Variants in MUCL1 observed in about 807,000 individuals in gnomAD.
MUCL1 encodes the protein mucin-like protein 1.
In MUCL1, 11 loss-of-function variants were observed where a neutral mutation model predicts 9.2. The observed-to-expected ratio is 1.19, with a 90% confidence interval of 0.75 to 1.97. The LOEUF is 1.97. Ranked by LOEUF, MUCL1 falls within the 30% of genes most tolerant of loss-of-function variation. The pLI, the probability that MUCL1 is intolerant of heterozygous loss-of-function variation, is 0.00. For missense variants in MUCL1, 144 were observed against 110.9 expected, an observed-to-expected ratio of 1.30 and a Z score of -1.34; for synonymous variants, 48 against 40.5, an observed-to-expected ratio of 1.19 and a Z score of -0.71.
At chr12:54,836,254 A>G (rs532994273), upstream of MUCL1, among the ~76,000 whole-genome samples, 4 of 152,208 alleles carry the variant, frequency 2.6e-5, no homozygotes, top group East Asian at 5.8e-4. Flanking sequence ...TTAAATTACT[A>G]ATTCAGTCTA....
chr12:54,847,590 G>A (rs1592247888), intron 1 of MUCL1, among the ~76,000 whole-genome samples: 1 of 152,250 alleles, frequency 6.6e-6, no homozygotes, highest in Non-Finnish European at 1.5e-5. Context: ...ACTCCAGCAT[G>A]GGCATCAAGA....
chr12:54,852,956 A>G (rs987012028), upstream of MUCL1, among the ~76,000 whole-genome samples: 2 of 152,128 alleles, frequency 1.3e-5, no homozygotes, highest in Non-Finnish European at 2.9e-5. Context: ...CTCATGGAAG[A>G]TATGAGTTTA....
chr12:54,858,158 TCGAAGC>T, intron 3 of MUCL1, 29 bp from the exon 4 acceptor site: 1 of 1,612,390 alleles, frequency 6.2e-7, no homozygotes, highest in Non-Finnish European at 8.5e-7. Context: ...TCATCCTTTG[TCGAAGC>T]CCCTTGACAA....
intron 2 of MUCL1, 123 bp from the exon 3 acceptor site, chr12:54,856,647 C>A: frequency 7.5e-7 from 1 of 1,327,084 alleles, no homozygotes; most frequent in Non-Finnish European, 1.0e-6. Flanking sequence ...AAAGGTAAGA[C>A]AGAACTGATG....
intron 2 of MUCL1, 65 bp downstream of exon 2, chr12:54,855,222 C>A: frequency 7.1e-7 from 1 of 1,409,048 alleles, no homozygotes; most frequent in South Asian, 1.2e-5. Context: ...AGCCTCATGT[C>A]AAACAGCCAG....
At chr12:54,853,471 G>C (rs1486257758), upstream of MUCL1, among the ~76,000 whole-genome samples, 2 of 152,162 alleles carry the variant, frequency 1.3e-5, no homozygotes, top group Non-Finnish European at 2.9e-5. Flanking sequence ...TATTCTACAT[G>C]CACTCACCAT....
intron 1 of MUCL1, among the ~76,000 whole-genome samples, chr12:54,841,733 T>G (rs778909185): frequency 1.3e-5 from 2 of 152,236 alleles, no homozygotes; most frequent in Non-Finnish European, 2.9e-5. Flanking sequence ...TAACCCTTTA[T>G]CAGATATCTG....
At chr12:54,852,924 C>A (rs1043326187), upstream of MUCL1, among the ~76,000 whole-genome samples, 3 of 152,130 alleles carry the variant, frequency 2.0e-5, no homozygotes, top group African/African-American at 4.8e-5. Context: ...TAATCTCTCA[C>A]CATATTATGA....
intron 1 of MUCL1, among the ~76,000 whole-genome samples, chr12:54,840,490 T>G (rs994017185): frequency 6.6e-6 from 1 of 152,216 alleles, no homozygotes; most frequent in Non-Finnish European, 1.5e-5. Flanking sequence ...AGAGCTCAGC[T>G]GTGGTGGTAG....
At chr12:54,830,721 C>T (rs1959184256) in exon 1 of MUCL1, 1 of 152,330 alleles carries the variant, frequency 6.6e-6, no homozygotes, top group Admixed American at 6.6e-5. Context: ...AACCTCTCAG[C>T]TCCCAACAGT....
upstream of MUCL1, among the ~76,000 whole-genome samples, chr12:54,852,300 A>G (rs1868257553): frequency 6.6e-6 from 1 of 152,234 alleles, no homozygotes; most frequent in Non-Finnish European, 1.5e-5. Flanking sequence ...TACTGGTACC[A>G]AAACAGAGTT....
chr12:54,854,989 C>T (rs1868288385), intron 1 of MUCL1, 127 bp from the exon 2 acceptor site: 1 of 765,674 alleles, frequency 1.3e-6, no homozygotes, highest in Non-Finnish European at 2.2e-6. Flanking sequence ...TGTTCTTCCT[C>T]AACTGGTACA....
upstream of MUCL1, among the ~76,000 whole-genome samples, chr12:54,853,771 T>G (rs1281671634): frequency 1.3e-5 from 2 of 152,194 alleles, no homozygotes; most frequent in Admixed American, 6.5e-5. Flanking sequence ...AAATAAAATT[T>G]TTGTGTGCTT....
chr12:54,853,434 A>G (rs1055968574), upstream of MUCL1, among the ~76,000 whole-genome samples: 1 of 152,198 alleles, frequency 6.6e-6, no homozygotes, highest in African/African-American at 2.4e-5. Context: ...GCCCTACTCA[A>G]CAACTGCAGA....
Position 54,849,447 on chromosome 12 carries a change from T to A in MUCL1, c.44-5669T>A, listed in dbSNP as rs541044250. Among the ~76,000 whole-genome samples the A allele has an allele frequency of 3.3e-5, 5 of 152,222 alleles. No homozygotes were observed. The East Asian group carries it at 9.6e-4, about 29-fold the overall frequency. On this transcript the variant is annotated intron_variant, in intron 1 of 3. Coordinates refer to the MUCL1 transcript ENST00000546809. The stretch of plus-strand genomic sequence containing the variant: ...TACTTTCTTATGTATACTTCTATTT[T>A]AATTTTTATAAAAAATACAAAAATA...
intron 1 of MUCL1, 136 bp downstream of exon 1, chr12:54,854,776 A>G: frequency 1.4e-6 from 1 of 726,850 alleles, no homozygotes; most frequent in South Asian, 1.9e-5. Flanking sequence ...ATTTTGACTG[A>G]CCGTTCAAGA....
upstream of MUCL1, among the ~76,000 whole-genome samples, chr12:54,834,657 C>T (rs948158218): frequency 1.3e-5 from 2 of 151,952 alleles, no homozygotes; most frequent in African/African-American, 4.8e-5. Context: ...GTATAGAATA[C>T]AGTATCATTA....
chr12:54,842,508 G>A (rs1959217217), intron 1 of MUCL1, among the ~76,000 whole-genome samples: 1 of 151,952 alleles, frequency 6.6e-6, no homozygotes, highest in East Asian at 1.9e-4. Context: ...TTTGTAATGA[G>A]AACCCTTAAA....
chr12:54,835,342 A>C (rs1959191225), upstream of MUCL1, among the ~76,000 whole-genome samples: 1 of 152,100 alleles, frequency 6.6e-6, no homozygotes, highest in Admixed American at 6.6e-5. Flanking sequence ...ACTGTTTTCC[A>C]TAGAGGTTGT....
Sources: allele counts gnomAD v4.1 joint callset (sites outside exome capture counted in the v4.1 genomes callset), GRCh38; gene constraint gnomAD v4.1.1; transcripts MANE v1.5; gene names NCBI Gene and HGNC (gene_info 2026-07-23, HGNC 2026-07-21).